CNTNAP2: variants seen among roughly 807,000 people sequenced by gnomAD.
CNTNAP2 encodes contactin associated protein 2, also known as contactin-associated protein-like 2.
Under a neutral mutation model 155.2 loss-of-function variants are expected in CNTNAP2, and 98 were observed. That is an observed-to-expected ratio of 0.63 (90% CI 0.54 to 0.75). The LOEUF is 0.75. Among genes scored for constraint, CNTNAP2 ranks in the 30% least tolerant of loss-of-function variants. The pLI is 0.00. For missense variants in CNTNAP2, 1,727 were observed against 1,688.1 expected, an observed-to-expected ratio of 1.02 and a Z score of -0.40; for synonymous variants, 651 against 631.2, an observed-to-expected ratio of 1.03 and a Z score of -0.47.
chr7:148,157,571 CAA>C (rs60716582), intron 17 of CNTNAP2, among the ~76,000 whole-genome samples: 14 of 111,118 alleles, frequency 1.3e-4, no homozygotes, highest in Admixed American at 9.5e-5. Context: ...GCAGAAGCAG[CAA>C]AAAAAAAAAA....
intron 1 of CNTNAP2, among the ~76,000 whole-genome samples, chr7:146,579,534 T>C (rs1183374833): frequency 6.6e-6 from 1 of 152,120 alleles, no homozygotes. Context: ...GCTCCGTAAA[T>C]TGAACAGACT....
chr7:147,801,373 G>T (rs1797982689), intron 13 of CNTNAP2, among the ~76,000 whole-genome samples: 1 of 149,914 alleles, frequency 6.7e-6, no homozygotes, highest in Non-Finnish European at 1.5e-5. Flanking sequence ...TTTCGCAGAG[G>T]GGGATTTGGC....
At chr7:147,160,304 T>C (rs1802001781) in intron 8 of CNTNAP2, among the ~76,000 whole-genome samples, 1 of 152,098 alleles carries the variant, frequency 6.6e-6, no homozygotes, top group Non-Finnish European at 1.5e-5. Flanking sequence ...TATGTTCATA[T>C]TCTCAGGAAC....
At chr7:146,231,596 A>T (rs1389517083) in intron 1 of CNTNAP2, among the ~76,000 whole-genome samples, 2 of 152,190 alleles carry the variant, frequency 1.3e-5, no homozygotes, top group African/African-American at 4.8e-5. Context: ...TAGTAATCCT[A>T]CCAGTGAATG....
chr7:147,181,746 C>T (rs1429471737), intron 8 of CNTNAP2, among the ~76,000 whole-genome samples: 3 of 152,160 alleles, frequency 2.0e-5, no homozygotes, highest in Non-Finnish European at 4.4e-5. Context: ...ATATAAAATA[C>T]TTGAAGGCAG....
Position 146,868,801 on chromosome 7 carries a change from A to G in CNTNAP2, c.402+28897A>G, listed in dbSNP as rs533915147. Reference sequence around the variant, plus strand: ...AATTGTGAGTGGGATTGCCCTTCTGATTTGCCTGTCTGCTTAGCTGTTGTT... The same window carrying G: ...AATTGTGAGTGGGATTGCCCTTCTGGTTTGCCTGTCTGCTTAGCTGTTGTT... On this transcript the variant is annotated intron_variant, in intron 3 of 23. Transcript: ENST00000361727. 4.8e-4 allele frequency among the ~76,000 whole-genome samples: 73 copies of G among 151,982 alleles called. 1 individual carries two copies. Among genetic ancestry groups the G allele is most frequent in the African/African-American group, 1.7e-3 (72 of 41,438 alleles).
intron 8 of CNTNAP2, among the ~76,000 whole-genome samples, chr7:147,133,541 C>G (rs899787503): frequency 6.6e-6 from 1 of 151,970 alleles, no homozygotes; most frequent in Non-Finnish European, 1.5e-5. Context: ...CCCCTCTAGG[C>G]TCCATGCTCC....
Position 148,323,626 on chromosome 7 carries a change from T to C in CNTNAP2, c.3475+56500T>C, listed in dbSNP as rs143350112. Among the ~76,000 whole-genome samples the C allele has an allele frequency of 1.6e-3, 241 of 152,264 alleles. 1 individual carries two copies. Among genetic ancestry groups the C allele is most frequent in the African/African-American group, 5.3e-3 (221 of 41,550 alleles). ...CTAACTCCGTTGGACAGCTTGCTTC[T>C]TCCTCAATTGTATGTGAATAGTTTT... On this transcript the variant is annotated intron_variant, in intron 21 of 23. Transcript: ENST00000361727.
chr7:148,358,255 A>G (rs542489834), intron 21 of CNTNAP2, among the ~76,000 whole-genome samples: 1 of 152,290 alleles, frequency 6.6e-6, no homozygotes, highest in African/African-American at 2.4e-5. Context: ...GCTTTCTACT[A>G]GAGATAGTCA....
At chr7:148,042,293 T>C (rs1802693123) in intron 15 of CNTNAP2, among the ~76,000 whole-genome samples, 1 of 152,188 alleles carries the variant, frequency 6.6e-6, no homozygotes, top group Admixed American at 6.5e-5. Flanking sequence ...CCAAACTCTA[T>C]ACCATGAAGT....
intron 3 of CNTNAP2, among the ~76,000 whole-genome samples, chr7:146,914,155 C>CAT (rs1206705574): frequency 6.6e-6 from 1 of 151,698 alleles, no homozygotes; most frequent in Non-Finnish European, 1.5e-5. Flanking sequence ...CAGTCGTATT[C>CAT]ATATATATAT....
At position 146,641,410 on chromosome 7, in the gene CNTNAP2, C is replaced by T. The variant is rs950935137; in HGVS notation, c.98-132861C>T. ...GAAAATCAAATACTTGGGCAGGTTT[C>T]TAATAATTTATAAGAGAAGAACATA... On this transcript the variant is annotated intron_variant, in intron 1 of 23. Coordinates refer to ENST00000361727, the MANE Select transcript of CNTNAP2 (RefSeq NM_014141.6). Among the ~76,000 whole-genome samples, 4 of 152,276 alleles carry T rather than the reference C, an allele frequency of 2.6e-5. No homozygotes were observed. The South Asian group carries it at 8.3e-4, about 32-fold the overall frequency.
At chr7:147,508,942 T>C (rs930126862) in intron 11 of CNTNAP2, among the ~76,000 whole-genome samples, 1 of 152,226 alleles carries the variant, frequency 6.6e-6, no homozygotes, top group Non-Finnish European at 1.5e-5. Flanking sequence ...AATGGACGAA[T>C]ACAAAACCCT....
chr7:146,328,460 CA>C (rs1157480313), intron 1 of CNTNAP2, among the ~76,000 whole-genome samples: 20 of 151,960 alleles, frequency 1.3e-4, no homozygotes, highest in Non-Finnish European at 5.9e-5. Flanking sequence ...TAAATTTGTA[CA>C]TTGTGAAAAG....
Position 147,050,822 on chromosome 7 carries a change from C to A in CNTNAP2, c.550+6768C>A, listed in dbSNP as rs1016956760. Among the ~76,000 whole-genome samples the A allele has an allele frequency of 1.8e-4, 27 of 152,248 alleles. No homozygotes were observed. The South Asian group carries it at 2.3e-3, about 13-fold the overall frequency. ...GCACAGTCTGAAGTCAAGGTGTTAG[C>A]AAGGGTAGTTCCTTCTGGAAGCTTG... On this transcript the variant is annotated intron_variant, in intron 4 of 23. Coordinates refer to ENST00000361727, the MANE Select transcript of CNTNAP2 (RefSeq NM_014141.6).
chr7:148,296,545 CAAAAAAAA>C lies in CNTNAP2; in HGVS notation c.3475+29435_3475+29442del, dbSNP rs143609414. Among the ~76,000 whole-genome samples the C allele has an allele frequency of 2.5e-4, 19 of 76,606 alleles. 2 individuals carry two copies. The East Asian group carries it at 4.1e-3, about 16-fold the overall frequency. 50.3% of individuals were successfully genotyped at this position (76,606 alleles called of 152,430 possible). ...TGGGAAACAGAGCAAGACTCTGTCT[CAAAAAAAA>C]AAAAAAAAAAAAAAATTATCCCGTG... On this transcript the variant is annotated intron_variant, in intron 21 of 23. Transcript: ENST00000361727.
chr7:146,595,659 A>G (rs1798849135), intron 1 of CNTNAP2, among the ~76,000 whole-genome samples: 1 of 152,104 alleles, frequency 6.6e-6, no homozygotes, highest in African/African-American at 2.4e-5. Flanking sequence ...AGCATTCCCT[A>G]AATTACCACC....
chr7:147,514,094 G>A (rs1799071124), intron 11 of CNTNAP2, among the ~76,000 whole-genome samples: 1 of 152,076 alleles, frequency 6.6e-6, no homozygotes, highest in African/African-American at 2.4e-5. Flanking sequence ...ATTATTAAAA[G>A]TTATCCTTGT....
chr7:147,651,476 A>G (rs1795449884), intron 13 of CNTNAP2, among the ~76,000 whole-genome samples: 1 of 152,264 alleles, frequency 6.6e-6, no homozygotes, highest in Non-Finnish European at 1.5e-5. Flanking sequence ...GTCAACAAAG[A>G]TGACTTTTAA....
Sources: allele counts gnomAD v4.1 joint callset (sites outside exome capture counted in the v4.1 genomes callset), GRCh38; gene constraint gnomAD v4.1.1; transcripts MANE v1.5; gene names NCBI Gene and HGNC (gene_info 2026-07-23, HGNC 2026-07-21).